ZIM2: variants seen among roughly 807,000 people sequenced by gnomAD.
ZIM2 encodes the protein zinc finger protein 656.
ZIM2 carries 14 observed loss-of-function variants against 38.6 expected under a neutral mutation model. The observed-to-expected ratio is 0.36, with a 90% CI of 0.24 to 0.57. The LOEUF (loss-of-function observed/expected upper bound fraction) is 0.57, where lower values mean the gene tolerates loss of function less well. Among genes scored for constraint, ZIM2 ranks in the 20% least tolerant of loss-of-function variants. ZIM2 has a pLI of 0.81. For missense variants in ZIM2, 680 were observed against 695.1 expected (o/e 0.98, Z 0.24); for synonymous variants, 247 against 245.8 (o/e 1.00, Z -0.04).
At chr19:56,799,671 TAAGTATTTACCC>T (rs1287815581) in intron 9 of ZIM2, 1 of 152,194 alleles carries the variant, frequency 6.6e-6, no homozygotes, top group Non-Finnish European at 1.5e-5. Context: ...ATTTCATTTT[TAAGTATTTACCC>T]AAGAGAAATA....
chr19:56,801,004 C>T (rs1278380892), intron 9 of ZIM2, among the ~76,000 whole-genome samples: 9 of 148,882 alleles, frequency 6.0e-5, no homozygotes, highest in Admixed American at 3.4e-4. Context: ...GGCACGATCT[C>T]GGCTCACTGC....
chr19:56,795,811 A>G (rs1326626592), intron 9 of ZIM2, among the ~76,000 whole-genome samples: 2 of 152,174 alleles, frequency 1.3e-5, no homozygotes, highest in African/African-American at 4.8e-5. Context: ...ACTGCACTCC[A>G]GCCTGGGCGA....
At chr19:56,815,017 T>A in intron 9 of ZIM2, 1 of 1,614,182 alleles carries the variant, frequency 6.2e-7, no homozygotes, top group Non-Finnish European at 8.5e-7. Flanking sequence ...AATTACAGAA[T>A]GTGTGTACTC....
chr19:56,790,000 C>A (rs748115191), intron 9 of ZIM2, 49 bp from the exon 10 acceptor site: 1 of 1,434,708 alleles, frequency 7.0e-7, no homozygotes. Flanking sequence ...TCTGGTAGCA[C>A]TGACAGACAC....
At chr19:56,813,518 G>T (rs1347735245) in intron 9 of ZIM2, 2 of 1,433,086 alleles carry the variant, frequency 1.4e-6, no homozygotes, top group Non-Finnish European at 1.8e-6. Flanking sequence ...CTGCACATTC[G>T]GTCTCTTTTC....
intron 9 of ZIM2, among the ~76,000 whole-genome samples, chr19:56,803,871 G>A (rs541080093): frequency 2.4e-4 from 37 of 152,296 alleles, no homozygotes; most frequent in African/African-American, 8.4e-4. Flanking sequence ...ACCAAATGGG[G>A]TTATACCAAA....
chr19:56,794,200 G>A (rs1457730734), intron 9 of ZIM2, among the ~76,000 whole-genome samples: 1 of 152,176 alleles, frequency 6.6e-6, no homozygotes, highest in East Asian at 1.9e-4. Flanking sequence ...CTGTGCCAGT[G>A]GGTTAAGTAC....
chr19:56,826,580 C>G (rs891336744), intron 2 of ZIM2, 117 bp from the exon 3 acceptor site: 2 of 152,186 alleles, frequency 1.3e-5, no homozygotes, highest in African/African-American at 4.8e-5. Context: ...TGGGGTGATG[C>G]CTTCTATACC....
At position 56,823,691 on chromosome 19, in the gene ZIM2, C is replaced by A; in HGVS notation, c.17-12G>T. 6.2e-7 allele frequency: 1 copy of A among 1,614,110 alleles called. No individual in the cohort carries two copies. The highest frequency in any genetic ancestry group is 8.5e-7 in the Non-Finnish European group (1 of 1,179,970). Reference sequence around the variant, plus strand: ...ACTGTTGTTGTCGTCTAAGAGGACACCGGTCGCCAAGTTACTATCTCTGGC... The same window carrying A: ...ACTGTTGTTGTCGTCTAAGAGGACAACGGTCGCCAAGTTACTATCTCTGGC... On this transcript the variant is annotated splice_polypyrimidine_tract_variant and intron_variant, in intron 4 of 12. Coordinates refer to ENST00000629319, the MANE Select transcript of ZIM2 (RefSeq NM_001387356.1).
intron 1 of ZIM2, among the ~76,000 whole-genome samples, chr19:56,836,969 C>CAAAAAAAAAAAA (rs573566620): frequency 8.5e-6 from 1 of 116,986 alleles, no homozygotes; most frequent in Non-Finnish European, 1.7e-5. Context: ...GACTCTGTCT[C>CAAAAAAAAAAAA]AAAAAAAAAA....
At position 56,821,718 on chromosome 19, in the gene ZIM2, G is replaced by A. The variant is rs139872811; in HGVS notation, c.227C>T (p.Ala76Val). Residue 76 changes from alanine (A) to valine (V), a missense_variant, in exon 7 of 13, where the codon GCG becomes GTG. Physicochemically the swap from Ala to Val is moderately conservative, Grantham distance 64. Coordinates refer to ENST00000629319, the MANE Select transcript of ZIM2 (RefSeq NM_001387356.1). ...PPRDLSLPVV[A>V]KTSFEMDRED... The stretch of plus-strand genomic sequence containing the variant: ...TCTGTCCATTTCAAAGCTTGTTTTC[G>A]CCACCACAGGAAGGGAAAGATCCCG... The A allele has an allele frequency of 5.1e-5, 83 of 1,613,740 alleles. No homozygotes were observed. Among genetic ancestry groups the A allele is most frequent in the Middle Eastern group, 1.6e-4 (1 of 6,084 alleles).
chr19:56,789,747 A>G (rs1465298558), intron 10 of ZIM2, 125 bp downstream of exon 10: 10 of 844,172 alleles, frequency 1.2e-5, no homozygotes, highest in Non-Finnish European at 1.7e-5. Context: ...AAGGCTCAGT[A>G]AAGTGATATT....
chr19:56,777,651 T>C (rs2145831855), intron 12 of ZIM2, among the ~76,000 whole-genome samples: 1 of 152,366 alleles, frequency 6.6e-6, no homozygotes, highest in Non-Finnish European at 1.5e-5. Context: ...ACTTGCAATG[T>C]GGCTTGTGTG....
intron 9 of ZIM2, among the ~76,000 whole-genome samples, chr19:56,795,765 T>C (rs985241427): frequency 3.9e-5 from 6 of 151,918 alleles, no homozygotes; most frequent in Non-Finnish European, 7.4e-5. Context: ...TGCTTGAACC[T>C]GGGAGGCAGA....
chr19:56,782,714 T>C (rs904336757), intron 10 of ZIM2, among the ~76,000 whole-genome samples: 1 of 152,190 alleles, frequency 6.6e-6, no homozygotes, highest in Admixed American at 6.5e-5. Flanking sequence ...AATTCTTTTT[T>C]TAATTTTTAA....
chr19:56,813,802 TCGATGTAG>T (rs751532593), intron 9 of ZIM2: 1 of 1,614,180 alleles, frequency 6.2e-7, no homozygotes, highest in Non-Finnish European at 8.5e-7. Context: ...GCTGGCACGT[TCGATGTAG>T]CCTGAGCACT....
At chr19:56,797,684 A>T (rs2047302235) in intron 9 of ZIM2, among the ~76,000 whole-genome samples, 1 of 152,050 alleles carries the variant, frequency 6.6e-6, no homozygotes, top group South Asian at 2.1e-4. Flanking sequence ...AGGCCCTAAA[A>T]ACAAGGTGGC....
chr19:56,813,416 C>A (rs775223474), intron 9 of ZIM2: 23 of 1,282,690 alleles, frequency 1.8e-5, no homozygotes, highest in Non-Finnish European at 2.3e-5. Flanking sequence ...AGGGTTTTCT[C>A]AATCTGATTA....
chr19:56,813,211 A>G lies in ZIM2; in HGVS notation c.490+4535T>C, dbSNP rs543726728. ...GCTCTCTTCCTCCTCCAAAAAAAAA[A>G]AAAATTCAAAGAATACCAGGTAAGG... is the stretch of plus-strand genomic sequence containing the variant. On this transcript the variant is annotated intron_variant, in intron 9 of 12. Coordinates refer to ENST00000629319, the MANE Select transcript of ZIM2 (RefSeq NM_001387356.1). The G allele has an allele frequency of 3.1e-5, 31 of 984,394 alleles. No homozygotes were observed. In the South Asian group the frequency reaches 1.3e-3, roughly 42 times the overall value. 61.0% of individuals were successfully genotyped at this position (984,394 alleles called of 1,614,324 possible).
Sources: allele counts gnomAD v4.1 joint callset (sites outside exome capture counted in the v4.1 genomes callset), GRCh38; gene constraint gnomAD v4.1.1; transcripts MANE v1.5; gene names NCBI Gene and HGNC (gene_info 2026-07-23, HGNC 2026-07-21).